MAP3K20: variants seen among roughly 807,000 people sequenced by gnomAD.
The protein encoded by MAP3K20 is mitogen-activated protein kinase kinase kinase 20.
MAP3K20 carries 40 observed loss-of-function variants against 85.7 expected under a neutral mutation model. The observed-to-expected ratio is 0.47, with a 90% CI of 0.36 to 0.61. The LOEUF is 0.61. Ranked by LOEUF, MAP3K20 falls within the 20% of genes least tolerant of loss-of-function variation. The probability of loss-of-function intolerance (pLI) is 0.00; values close to 1 mark genes in which losing one functional copy is unlikely to be tolerated. For synonymous variants in MAP3K20, 325 were observed against 327.7 expected (o/e 0.99, Z 0.09); for missense variants, 817 against 961.7 (o/e 0.85, Z 1.99).
intron 2 of MAP3K20, among the ~76,000 whole-genome samples, chr2:173,092,205 TAGA>T (rs1291665685): frequency 5.3e-5 from 8 of 152,202 alleles, no homozygotes; most frequent in African/African-American, 9.7e-5. Flanking sequence ...GAAGCCAGGT[TAGA>T]AGGACTGAGA....
intron 7 of MAP3K20, among the ~76,000 whole-genome samples, chr2:173,194,588 GTTA>G (rs1288453231): frequency 6.6e-6 from 1 of 151,940 alleles, no homozygotes; most frequent in Non-Finnish European, 1.5e-5. Flanking sequence ...TCAAAATGTG[GTTA>G]TTTTGAATTT....
At chr2:173,143,680 A>G (rs959632160) in intron 2 of MAP3K20, among the ~76,000 whole-genome samples, 1 of 152,214 alleles carries the variant, frequency 6.6e-6, no homozygotes, top group Non-Finnish European at 1.5e-5. Context: ...CAGTGCAGTA[A>G]GACAAGAGAA....
At chr2:173,093,849 T>C (rs895175185) in intron 2 of MAP3K20, among the ~76,000 whole-genome samples, 3 of 151,772 alleles carry the variant, frequency 2.0e-5, no homozygotes, top group Non-Finnish European at 4.4e-5. Context: ...GGGACAAGGA[T>C]GAAATTGGAA....
At chr2:173,190,530 A>G (rs180846308) in intron 5 of MAP3K20, among the ~76,000 whole-genome samples, 1,699 of 152,328 alleles carry the variant, frequency 0.011, 20 homozygotes, top group Middle Eastern at 0.024. Flanking sequence ...GGAGGAAACC[A>G]TATATATAAT....
intron 1 of MAP3K20, among the ~76,000 whole-genome samples, chr2:173,077,200 GT>G (rs1463197174): frequency 6.6e-6 from 1 of 152,102 alleles, no homozygotes; most frequent in Non-Finnish European, 1.5e-5. Context: ...CCCCGAAGCT[GT>G]TTTGGAAGAG....
chr2:173,217,179 C>T lies in MAP3K20; in HGVS notation c.916C>T (p.Gln306Ter). The change falls in exon 11 of 20, where the codon CAG (glutamine) becomes TAG (stop). Residue 306 changes from glutamine to a stop codon, truncating the protein, a stop_gained. Transcript: ENST00000375213. LOFTEE classifies it high-confidence loss of function. ...AGAGCGTGATCTCAGCTTTAAGGAGCAGGAGCTTAAAGAACGAGAAAGACG... is the reference window on the plus strand; with the variant it reads ...AGAGCGTGATCTCAGCTTTAAGGAGTAGGAGCTTAAAGAACGAGAAAGACG... ...KLERDLSFKEQELKERERRLK... is the reference protein window; with the variant it reads ...KLERDLSFKE 6.2e-7 allele frequency: 1 copy of T among 1,607,842 alleles called. No homozygotes were observed. The highest frequency in any genetic ancestry group is 8.5e-7 in the Non-Finnish European group (1 of 1,176,834).
intron 2 of MAP3K20, among the ~76,000 whole-genome samples, chr2:173,136,357 CCT>C (rs1367556625): frequency 6.6e-6 from 1 of 152,102 alleles, no homozygotes; most frequent in Non-Finnish European, 1.5e-5. Flanking sequence ...AGATCAAGAG[CCT>C]GCAGATTACA....
intron 7 of MAP3K20, among the ~76,000 whole-genome samples, chr2:173,194,756 A>T (rs1169330630): frequency 1.4e-5 from 1 of 72,848 alleles, no homozygotes; most frequent in African/African-American, 4.6e-5. Context: ...TAAGACCATT[A>T]AAAAAAAGGT....
intron 10 of MAP3K20, chr2:173,210,191 A>G (rs1014365894): frequency 9.0e-5 from 20 of 222,816 alleles, no homozygotes; most frequent in African/African-American, 4.6e-4. Flanking sequence ...GTCTCTACTA[A>G]AAATACAAAA....
chr2:173,091,214 A>G (rs767893637), intron 2 of MAP3K20, 24 bp downstream of exon 2: 22 of 1,604,218 alleles, frequency 1.4e-5, no homozygotes, highest in Non-Finnish European at 1.7e-5. Context: ...CAGCTGACAG[A>G]AACAGTCACG....
intron 3 of MAP3K20, among the ~76,000 whole-genome samples, chr2:173,173,033 G>A (rs557933277): frequency 8.0e-4 from 121 of 152,068 alleles, no homozygotes; most frequent in Admixed American, 3.8e-3. Flanking sequence ...CTCATGATCC[G>A]CCTGCCTCAG....
chr2:173,166,021 T>G (rs1377939802), intron 2 of MAP3K20, among the ~76,000 whole-genome samples: 1 of 152,130 alleles, frequency 6.6e-6, no homozygotes, highest in Non-Finnish European at 1.5e-5. Context: ...ATCACCACTG[T>G]CTGTTTACAA....
At chr2:173,141,071 C>T (rs1399448937) in intron 2 of MAP3K20, among the ~76,000 whole-genome samples, 1 of 152,114 alleles carries the variant, frequency 6.6e-6, no homozygotes, top group Non-Finnish European at 1.5e-5. Context: ...TTGTAAATCA[C>T]CTCGCAACTT....
At chr2:173,243,617 GT>G (rs370281280) in intron 16 of MAP3K20, among the ~76,000 whole-genome samples, 1 of 152,028 alleles carries the variant, frequency 6.6e-6, no homozygotes, top group Non-Finnish European at 1.5e-5. Context: ...TCAGATTTAT[GT>G]TTTTTTGTTT....
rs1005122879 is a variant in MAP3K20 at position 173,266,760 on chromosome 2, C to A, written c.*10C>A. 9 of 1,303,086 alleles carry A rather than the reference C, an allele frequency of 6.9e-6. No individual in the cohort carries two copies. Among genetic ancestry groups the A allele is most frequent in the Admixed American group, 5.8e-5 (2 of 34,254 alleles). The allele number at this position is 1,303,086 out of a possible 1,614,324, so 80.7% of individuals were successfully genotyped here. On this transcript the variant is annotated 3_prime_UTR_variant, in exon 20 of 20. Transcript: ENST00000375213. Reference sequence around the variant, plus strand: ...ATGGAGAAACTTTTGATGAATTGAACTACATAGCTTTTCTAAGCAGGTTAA... The same window carrying A: ...ATGGAGAAACTTTTGATGAATTGAAATACATAGCTTTTCTAAGCAGGTTAA...
chr2:173,102,237 C>T (rs966242149), intron 2 of MAP3K20, among the ~76,000 whole-genome samples: 3 of 152,190 alleles, frequency 2.0e-5, no homozygotes, highest in Admixed American at 2.0e-4. Flanking sequence ...AGAAAGGTTT[C>T]ACTGTTAATG....
intron 2 of MAP3K20, among the ~76,000 whole-genome samples, chr2:173,134,221 C>G (rs568931434): frequency 7.2e-6 from 1 of 139,264 alleles, no homozygotes; most frequent in African/African-American, 2.7e-5. Context: ...GACAGAATCT[C>G]GCTCTGTCCT....
chr2:173,118,618 C>T (rs145326287), intron 2 of MAP3K20, among the ~76,000 whole-genome samples: 37 of 152,150 alleles, frequency 2.4e-4, no homozygotes, highest in Non-Finnish European at 4.4e-4. Flanking sequence ...CATGATCTTA[C>T]GGCATAAAGT....
intron 2 of MAP3K20, among the ~76,000 whole-genome samples, chr2:173,154,872 A>G (rs1689418486): frequency 6.6e-6 from 1 of 152,210 alleles, no homozygotes; most frequent in Non-Finnish European, 1.5e-5. Context: ...TAGCATTACT[A>G]TAGAAATCCA....
Sources: allele counts gnomAD v4.1 joint callset (sites outside exome capture counted in the v4.1 genomes callset), GRCh38; gene constraint gnomAD v4.1.1; transcripts MANE v1.5; gene names NCBI Gene and HGNC (gene_info 2026-07-23, HGNC 2026-07-21).